SLC24A3: variants seen among roughly 807,000 people sequenced by gnomAD.
SLC24A3 encodes sodium/potassium/calcium exchanger 3.
In SLC24A3, 28 loss-of-function variants were observed where a neutral mutation model predicts 75.8. The ratio of observed to expected loss-of-function variants is 0.37; its 90% CI spans 0.27 to 0.51. The LOEUF is 0.51. Ranked by LOEUF, SLC24A3 falls within the 20% of genes least tolerant of loss-of-function variation. The pLI, the probability that SLC24A3 is intolerant of heterozygous loss-of-function variation, is 0.94. For missense variants in SLC24A3, 663 were observed against 847.8 expected, an observed-to-expected ratio of 0.78 and a Z score of 2.71; for synonymous variants, 372 against 334.1, an observed-to-expected ratio of 1.11 and a Z score of -1.24.
rs770152234 is a variant in SLC24A3, at chr20:19,684,307, T to G, written c.1033T>G (p.Ser345Ala). The change falls in exon 11 of 17, where the codon TCC (serine) becomes GCC (alanine). Residue 345 changes from serine to alanine, a missense_variant. By Grantham distance (99) the Ser-to-Ala change is moderately conservative (BLOSUM62 1). This residue lies in a region of SLC24A3 where 510 missense variants were observed against 703.6 expected (regional missense o/e 0.72). Transcript: ENST00000328041. Reference protein sequence around the residue: ...TSHFPPKTRLSMASRMLINER... With the variant: ...TSHFPPKTRLAMASRMLINER... The stretch of plus-strand genomic sequence containing the variant: ...CCACTTTCCCCCCAAGACCCGGCTC[T>G]CCATGGCCAGTCGCATGTTGATCAA... The G allele has an allele frequency of 6.2e-7, 1 of 1,613,888 alleles. No homozygotes were observed. The highest frequency in any genetic ancestry group is 1.3e-5 in the African/African-American group (1 of 74,878).
Position 19,212,858 on chromosome 20 carries a change from G to A in SLC24A3, c.16G>A (p.Asp6Asn), listed in dbSNP as rs757542722. The A allele has an allele frequency of 1.1e-4, 128 of 1,184,212 alleles. No individual in the cohort carries two copies. The highest frequency in any genetic ancestry group is 1.3e-4 in the Non-Finnish European group (124 of 953,488). The allele number at this position is 1,184,212 out of a possible 1,614,324, so 73.4% of individuals were successfully genotyped here. Residue 6 changes from aspartate (D) to asparagine (N), a missense_variant, in exon 1 of 17, where the codon GAC becomes AAC. Physicochemically the swap from Asp to Asn is conservative, Grantham distance 23 (BLOSUM62 1). Around this residue, in one of 2 missense-constraint regions of SLC24A3, gnomAD observed 153 missense variants for 144.2 expected, o/e 1.06. Transcript: ENST00000328041. MRPSG[D>N]EDRARRRRRR... ...CCGCCCGAGGATGCGGCCGTCCGGC[G>A]ACGAGGACCGCGCGCGTCGCCGCCG...
chr20:19,720,954 C>T (rs748879779), intron 16 of SLC24A3, 37 bp from the exon 17 acceptor site: 3 of 1,609,660 alleles, frequency 1.9e-6, no homozygotes, highest in Non-Finnish European at 2.5e-6. Context: ...CTGCTGCCTC[C>T]TCCTGGTGCC....
At chr20:19,643,691 T>C (rs941968894) in intron 6 of SLC24A3, among the ~76,000 whole-genome samples, 1 of 152,226 alleles carries the variant, frequency 6.6e-6, no homozygotes, top group Non-Finnish European at 1.5e-5. Flanking sequence ...CTCAGATGCA[T>C]AGTCTTAACT....
intron 15 of SLC24A3, among the ~76,000 whole-genome samples, chr20:19,707,825 A>G (rs540856021): frequency 6.6e-6 from 1 of 152,350 alleles, no homozygotes; most frequent in East Asian, 1.9e-4. Flanking sequence ...TTTAGGACAA[A>G]TAAAGTTTGA....
chr20:19,585,723 G>A (rs1233946330), intron 6 of SLC24A3, among the ~76,000 whole-genome samples, 179 bp downstream of exon 6: 1 of 152,138 alleles, frequency 6.6e-6, no homozygotes, highest in Non-Finnish European at 1.5e-5. Flanking sequence ...GTGGAAACTG[G>A]TAATCCACCA....
chr20:19,368,139 G>C (rs947109018), intron 2 of SLC24A3, among the ~76,000 whole-genome samples: 1 of 151,942 alleles, frequency 6.6e-6, no homozygotes, highest in Non-Finnish European at 1.5e-5. Flanking sequence ...TGCACATTTA[G>C]TTAACATGTT....
rs532509447 is a variant in SLC24A3, at chr20:19,622,680, G to T, written c.613-31382G>T. Among the ~76,000 whole-genome samples the T allele has an allele frequency of 1.1e-3, 166 of 152,280 alleles. 1 individual carries two copies. Among genetic ancestry groups the T allele is most frequent in the African/African-American group, 3.8e-3 (156 of 41,564 alleles). On this transcript the variant is annotated intron_variant, in intron 6 of 16. Transcript: ENST00000328041. ...TATTTTCCAACCCTGGAGCATACAG[G>T]TGAGTTCAGATGAGTTCAGTTGTGT...
intron 3 of SLC24A3, among the ~76,000 whole-genome samples, chr20:19,550,920 G>T (rs1057386426): frequency 2.0e-5 from 3 of 152,266 alleles, no homozygotes; most frequent in African/African-American, 7.2e-5. Context: ...CAAGTGGGCA[G>T]TGAAATCTGA....
intron 3 of SLC24A3, among the ~76,000 whole-genome samples, chr20:19,535,144 A>C (rs1173653322): frequency 6.6e-6 from 1 of 152,240 alleles, no homozygotes; most frequent in Non-Finnish European, 1.5e-5. Flanking sequence ...TCATTAATTG[A>C]TCTCAGCTCA....
chr20:19,717,600 T>C lies in SLC24A3; in HGVS notation c.1785+7T>C. On this transcript the variant is annotated splice_region_variant and intron_variant, in intron 16 of 16. Coordinates refer to ENST00000328041, the MANE Select transcript of SLC24A3 (RefSeq NM_020689.4). Reference sequence around the variant, plus strand: ...GGCCTCTGTTTTTGTCACGGTAGGTTGGCAGCTCTCTCCTCGTACTTGTGT... The same window carrying C: ...GGCCTCTGTTTTTGTCACGGTAGGTCGGCAGCTCTCTCCTCGTACTTGTGT... The C allele has an allele frequency of 6.2e-7, 1 of 1,613,692 alleles. No homozygotes were observed. Among genetic ancestry groups the C allele is most frequent in the Non-Finnish European group, 8.5e-7 (1 of 1,179,592 alleles).
At chr20:19,618,155 C>T (rs557643910) in intron 6 of SLC24A3, among the ~76,000 whole-genome samples, 1 of 152,102 alleles carries the variant, frequency 6.6e-6, no homozygotes, top group Non-Finnish European at 1.5e-5. Flanking sequence ...AGTGGGGAGC[C>T]CACTTTCCAG....
rs1025936398 is a variant in SLC24A3 at position 19,705,586 on chromosome 20, A to G, written c.1719+6906A>G. On this transcript the variant is annotated intron_variant, in intron 15 of 16. Transcript: ENST00000328041. ...AAAACGACACTCAAAAGCCTCTTTC[A>G]TGTAGCATGGTAGTGACCGCATGAC... 2.0e-5 allele frequency among the ~76,000 whole-genome samples: 3 copies of G among 152,160 alleles called. 1 individual carries two copies. Among genetic ancestry groups the G allele is most frequent in the Non-Finnish European group, 4.4e-5 (3 of 68,032 alleles).
intron 2 of SLC24A3, among the ~76,000 whole-genome samples, chr20:19,375,446 T>G (rs1449746582): frequency 6.6e-6 from 1 of 152,150 alleles, no homozygotes; most frequent in East Asian, 1.9e-4. Context: ...TAAAGAGAAC[T>G]TGGCTGAAAT....
At chr20:19,252,646 G>GGC (rs537608282) in intron 1 of SLC24A3, among the ~76,000 whole-genome samples, 9 of 149,110 alleles carry the variant, frequency 6.0e-5, no homozygotes, top group Admixed American at 2.7e-4. Flanking sequence ...GGAATGGCGG[G>GGC]GGGGGGTGCC....
chr20:19,659,456 G>A (rs938991785), intron 7 of SLC24A3, among the ~76,000 whole-genome samples: 3 of 152,228 alleles, frequency 2.0e-5, no homozygotes, highest in Admixed American at 6.5e-5. Flanking sequence ...CTAGTCACAC[G>A]TGGCTACTGA....
At chr20:19,267,670 TTTC>T (rs1234617383) in intron 1 of SLC24A3, among the ~76,000 whole-genome samples, 1 of 152,230 alleles carries the variant, frequency 6.6e-6, no homozygotes, top group East Asian at 1.9e-4. Context: ...TTTTTATCAT[TTTC>T]TTGATATGAT....
chr20:19,444,610 A>AG (rs35481062), intron 2 of SLC24A3, among the ~76,000 whole-genome samples: 81,376 of 151,928 alleles, frequency 0.54, 23,940 homozygotes, highest in East Asian at 0.93. Flanking sequence ...TTCTGGGTAT[A>AG]GGTTGTCATA....
intron 8 of SLC24A3, among the ~76,000 whole-genome samples, chr20:19,669,756 G>A (rs539996313): frequency 6.6e-6 from 1 of 152,168 alleles, no homozygotes; most frequent in Non-Finnish European, 1.5e-5. Context: ...CTGGAAAACA[G>A]CTTTTGCTGT....
At chr20:19,466,965 A>C (rs1987776578) in intron 2 of SLC24A3, among the ~76,000 whole-genome samples, 1 of 152,236 alleles carries the variant, frequency 6.6e-6, no homozygotes, top group Non-Finnish European at 1.5e-5. Flanking sequence ...CTGAGCTTGC[A>C]TTCTAGTTAG....
Sources: allele counts gnomAD v4.1 joint callset (sites outside exome capture counted in the v4.1 genomes callset), GRCh38; gene constraint gnomAD v4.1.1; regional missense constraint gnomAD v4.1.1; transcripts MANE v1.5; gene names NCBI Gene and HGNC (gene_info 2026-07-23, HGNC 2026-07-21).